Variants in MTHFD1L observed in about 807,000 individuals in gnomAD.
The protein encoded by MTHFD1L is monofunctional C1-tetrahydrofolate synthase, mitochondrial.
MTHFD1L carries 81 observed loss-of-function variants against 119.5 expected under a neutral mutation model. That is an observed-to-expected ratio of 0.68 (90% confidence interval 0.57 to 0.82). The LOEUF is 0.82. Among genes scored for constraint, MTHFD1L ranks in the 40% least tolerant of loss-of-function variants. The pLI, the probability that MTHFD1L is intolerant of heterozygous loss-of-function variation, is 0.00. For synonymous variants in MTHFD1L, 430 were observed against 475.2 expected, an observed-to-expected ratio of 0.90 and a Z score of 1.24; for missense variants, 1,125 against 1,253.4, an observed-to-expected ratio of 0.90 and a Z score of 1.55.
intron 7 of MTHFD1L, among the ~76,000 whole-genome samples, chr6:150,898,310 T>C (rs1784570131): frequency 6.6e-6 from 1 of 152,174 alleles, no homozygotes; most frequent in Non-Finnish European, 1.5e-5. Context: ...TGACCCTGAT[T>C]GTCACTGGCA....
At chr6:151,020,090 G>A (rs905882235) in intron 24 of MTHFD1L, among the ~76,000 whole-genome samples, 15 of 152,200 alleles carry the variant, frequency 9.9e-5, no homozygotes, top group Admixed American at 3.3e-4. Flanking sequence ...CTGGGTTTCT[G>A]TGTGCCCCTT....
At chr6:151,088,670 C>T (rs1794079208) in intron 26 of MTHFD1L, among the ~76,000 whole-genome samples, 1 of 147,696 alleles carries the variant, frequency 6.8e-6, no homozygotes, top group African/African-American at 2.5e-5. Flanking sequence ...AGAGTTTCGC[C>T]ATGTTGGCCA....
chr6:150,877,950 GA>G (rs1441861812), intron 4 of MTHFD1L, 124 bp downstream of exon 4: 1 of 1,104,622 alleles, frequency 9.1e-7, no homozygotes, highest in Non-Finnish European at 1.4e-6. Flanking sequence ...ATGTTAGAGG[GA>G]AGACTTCACT....
At chr6:151,036,577 A>G (rs1292119244) in intron 25 of MTHFD1L, among the ~76,000 whole-genome samples, 3 of 152,212 alleles carry the variant, frequency 2.0e-5, no homozygotes, top group Non-Finnish European at 4.4e-5. Flanking sequence ...GAACAACATG[A>G]GTAAGAGCCT....
intron 8 of MTHFD1L, among the ~76,000 whole-genome samples, chr6:150,912,493 C>T (rs1787088567): frequency 6.6e-6 from 1 of 152,088 alleles, no homozygotes; most frequent in Non-Finnish European, 1.5e-5. Context: ...TGAGATGTTT[C>T]CGCAGAGCCG....
chr6:150,952,036 A>G (rs952206292), intron 16 of MTHFD1L, among the ~76,000 whole-genome samples: 3 of 152,240 alleles, frequency 2.0e-5, no homozygotes, highest in Admixed American at 6.5e-5. Flanking sequence ...GAAAGGCTAC[A>G]TCATCTTTTA....
At chr6:150,866,383 A>C in intron 1 of MTHFD1L, 1 of 1,401,860 alleles carries the variant, frequency 7.1e-7, no homozygotes, top group Admixed American at 3.2e-5. Context: ...GGCGCGACCC[A>C]GACGGTAAAG....
At chr6:151,076,148 A>G (rs548576949) in intron 26 of MTHFD1L, among the ~76,000 whole-genome samples, 1 of 152,342 alleles carries the variant, frequency 6.6e-6, no homozygotes, top group Non-Finnish European at 1.5e-5. Flanking sequence ...AGGCAGGAGG[A>G]TGGCTTGAGC....
At chr6:150,948,976 C>A in intron 15 of MTHFD1L, 55 bp from the exon 16 acceptor site, 1 of 1,423,568 alleles carries the variant, frequency 7.0e-7, no homozygotes. Context: ...TTTTGGTGAC[C>A]CTTTGCTTTC....
chr6:151,060,267 G>A (rs548393025), intron 26 of MTHFD1L, among the ~76,000 whole-genome samples: 1 of 152,256 alleles, frequency 6.6e-6, no homozygotes, highest in South Asian at 2.1e-4. Context: ...ATCCTCAGAT[G>A]AACGGAGATG....
rs1170553631 is a variant in MTHFD1L, at chr6:151,043,258, C to CTTTTT, written c.2847+6161_2847+6165dup. On this transcript the variant is annotated intron_variant, in intron 26 of 27. Coordinates refer to ENST00000367321, the MANE Select transcript of MTHFD1L (RefSeq NM_015440.5). ...CTTCTTTCTTCTCACAGTGTTTTCT[C>CTTTTT]TTTTTTTTTTTTTTTTTTTTTTTTG... is the stretch of plus-strand genomic sequence containing the variant. 7.4e-3 allele frequency among the ~76,000 whole-genome samples: 580 copies of CTTTTT among 78,868 alleles called. 40 individuals are homozygous for CTTTTT. Among genetic ancestry groups the CTTTTT allele is most frequent in the African/African-American group, 0.023 (480 of 20,646 alleles). The allele number at this position is 78,868 out of a possible 152,430, so 51.7% of individuals were successfully genotyped here. A position where few individuals can be genotyped will look rare whatever the true frequency, so the allele number is the denominator to read the frequency against.
At chr6:151,068,801 T>G (rs183948542) in intron 26 of MTHFD1L, among the ~76,000 whole-genome samples, 86 of 152,332 alleles carry the variant, frequency 5.6e-4, no homozygotes, top group South Asian at 1.2e-3. Flanking sequence ...CTTTACCATT[T>G]TTCTGACACT....
At chr6:151,046,856 G>A (rs1788170860) in intron 26 of MTHFD1L, among the ~76,000 whole-genome samples, 1 of 152,128 alleles carries the variant, frequency 6.6e-6, no homozygotes, top group South Asian at 2.1e-4. Context: ...TGAGGGTATA[G>A]TGGGAAGCCT....
intron 1 of MTHFD1L, 104 bp downstream of exon 1, chr6:150,866,153 A>C: frequency 7.1e-7 from 1 of 1,399,074 alleles, no homozygotes; most frequent in Non-Finnish European, 9.3e-7. Context: ...CGGGGCTGCG[A>C]GTGTTTGGTG....
rs752211215 is a variant in MTHFD1L, at chr6:150,965,049, T to C, written c.2013+12T>C. ...TGCAGACCCTGGAAGTAAGTGGTTTTCTTCTTATAGTAATTGTTTGCATTA... is the reference window on the plus strand; with the variant it reads ...TGCAGACCCTGGAAGTAAGTGGTTTCCTTCTTATAGTAATTGTTTGCATTA... On this transcript the variant is annotated intron_variant, in intron 19 of 27. Transcript: ENST00000367321. 42 of 1,612,136 alleles carry C rather than the reference T, an allele frequency of 2.6e-5. No homozygotes were observed. The highest frequency in any genetic ancestry group is 3.3e-4 in the Middle Eastern group (2 of 6,058).
chr6:150,885,199 GT>G (rs34025381), intron 5 of MTHFD1L, among the ~76,000 whole-genome samples: 63,852 of 134,722 alleles, frequency 0.47, 14,485 homozygotes, highest in African/African-American at 0.57. Flanking sequence ...TTTTTTATGG[GT>G]TTTTTTTTTT....
chr6:150,978,886 G>A (rs576294592), intron 20 of MTHFD1L, among the ~76,000 whole-genome samples: 5 of 152,198 alleles, frequency 3.3e-5, no homozygotes, highest in South Asian at 2.1e-4. Flanking sequence ...GTGATCAGGC[G>A]GCTATTGTGC....
At chr6:150,904,361 G>A (rs947697374) in intron 7 of MTHFD1L, among the ~76,000 whole-genome samples, 2 of 152,110 alleles carry the variant, frequency 1.3e-5, no homozygotes, top group Non-Finnish European at 2.9e-5. Context: ...GACAGTGGGG[G>A]AAGAGACCAT....
intron 20 of MTHFD1L, among the ~76,000 whole-genome samples, chr6:150,978,083 T>G (rs1348149036): frequency 1.3e-5 from 2 of 152,050 alleles, no homozygotes; most frequent in Non-Finnish European, 2.9e-5. Context: ...GTATTTTCAG[T>G]AGAGACCTGG....
Sources: gnomAD v4.1 joint callset for allele counts (sites outside exome capture counted in the v4.1 genomes callset) on GRCh38, gnomAD v4.1.1 for gene constraint, MANE v1.5 for transcripts, NCBI Gene and HGNC (gene_info 2026-07-23, HGNC 2026-07-21) for gene names.